CCND3: variants seen among roughly 807,000 people sequenced by gnomAD.
CCND3 encodes cyclin D3, also known as G1/S-specific cyclin-D3.
Under a neutral mutation model 28.7 loss-of-function variants are expected in CCND3, and 9 were observed. The observed-to-expected ratio is 0.31, with a 90% confidence interval of 0.19 to 0.55. CCND3 has a LOEUF of 0.55. CCND3 is among the 20% of genes least tolerant of loss of function. The pLI, the probability that CCND3 is intolerant of heterozygous loss-of-function variation, is 0.93. For missense variants in CCND3, 315 were observed against 385.8 expected (o/e 0.82, Z 1.54); for synonymous variants, 164 against 163.9 (o/e 1.00, Z 0.00).
intron 1 of CCND3, among the ~76,000 whole-genome samples, chr6:41,983,966 A>G (rs1762413626): frequency 6.6e-6 from 1 of 152,064 alleles, no homozygotes; most frequent in African/African-American, 2.4e-5. Context: ...CCTCCCACCA[A>G]TCCCCTGGCA....
intron 1 of CCND3, among the ~76,000 whole-genome samples, chr6:41,967,488 T>C (rs1177682351): frequency 6.6e-6 from 1 of 152,184 alleles, no homozygotes; most frequent in Non-Finnish European, 1.5e-5. Flanking sequence ...GGCCAGGACA[T>C]ATCAGCAAGT....
intron 1 of CCND3, among the ~76,000 whole-genome samples, chr6:41,984,339 T>C (rs899736740): frequency 1.3e-5 from 2 of 152,138 alleles, no homozygotes; most frequent in African/African-American, 2.4e-5. Flanking sequence ...ATGGTAGTTC[T>C]GTTTTTTTGT....
intron 1 of CCND3, among the ~76,000 whole-genome samples, chr6:41,957,704 C>G (rs1299562981): frequency 6.6e-6 from 1 of 152,160 alleles, no homozygotes; most frequent in East Asian, 1.9e-4. Context: ...GGAAGAGGTA[C>G]CCTGCATGAA....
rs575675626 is a variant in CCND3 at position 41,978,371 on chromosome 6, C to CA, written c.-45-37787dup. Among the ~76,000 whole-genome samples the CA allele has an allele frequency of 3.2e-3, 407 of 128,094 alleles. 3 individuals carry two copies. Among genetic ancestry groups the CA allele is most frequent in the African/African-American group, 5.8e-3 (195 of 33,906 alleles). 84.0% of individuals were successfully genotyped at this position (128,094 alleles called of 152,430 possible). On this transcript the variant is annotated intron_variant, in intron 1 of 4. Transcript: ENST00000372988. ...TGGGCAACAGAGCGAGACTCCATCT[C>CA]AAAAAAAAAAAAAAATTAGCCAGGC... is the stretch of plus-strand genomic sequence containing the variant.
rs70987562 is a variant in CCND3 at position 42,000,234 on chromosome 6, C to CTTTTTTTTTTTTTTTTTTTTTTTTTTT, written c.-46+48240_-46+48266dup. 4.3e-4 allele frequency among the ~76,000 whole-genome samples: 22 copies of CTTTTTTTTTTTTTTTTTTTTTTTTTTT among 51,032 alleles called. 8 individuals carry two copies. Among genetic ancestry groups the CTTTTTTTTTTTTTTTTTTTTTTTTTTT allele is most frequent in the African/African-American group, 8.3e-4 (9 of 10,840 alleles). The allele number at this position is 51,032 out of a possible 152,430, so 33.5% of individuals were successfully genotyped here. A position where few individuals can be genotyped will look rare whatever the true frequency, so the allele number is the denominator to read the frequency against. On this transcript the variant is annotated intron_variant, in intron 1 of 4. Transcript: ENST00000372988. ...AGTCTCGTGGAAATTTGAAAACATACTTTTTTTTTTTTTTTTTTTTTTTTT... is the reference window on the plus strand; with the variant it reads ...AGTCTCGTGGAAATTTGAAAACATACTTTTTTTTTTTTTTTTTTTTTTTTTTTTTTTTTTTTTTTTTTTTTTTTTTTT...
intron 1 of CCND3, among the ~76,000 whole-genome samples, chr6:42,006,006 A>ATTT (rs1763165155): frequency 6.7e-6 from 1 of 149,930 alleles, no homozygotes. Flanking sequence ...TACACAAAAA[A>ATTT]TTTTTTTTTA....
At chr6:41,992,876 G>T (rs1262999190) in intron 1 of CCND3, among the ~76,000 whole-genome samples, 1 of 152,020 alleles carries the variant, frequency 6.6e-6, no homozygotes, top group Non-Finnish European at 1.5e-5. Flanking sequence ...AAAGTGCTGA[G>T]GTTACAAGCA....
intron 1 of CCND3, among the ~76,000 whole-genome samples, chr6:41,954,898 A>T (rs962667468): frequency 1.1e-4 from 16 of 152,156 alleles, no homozygotes; most frequent in Non-Finnish European, 1.9e-4. Context: ...TGAAAGAAGG[A>T]GCTGGCACCT....
At chr6:42,007,728 G>T (rs994337950) in intron 1 of CCND3, among the ~76,000 whole-genome samples, 1 of 152,190 alleles carries the variant, frequency 6.6e-6, no homozygotes, top group Non-Finnish European at 1.5e-5. Context: ...CATGTGCTGC[G>T]AGAGCCAGAA....
intron 1 of CCND3, among the ~76,000 whole-genome samples, chr6:41,964,138 C>A (rs900379499): frequency 1.3e-5 from 2 of 152,170 alleles, no homozygotes; most frequent in African/African-American, 4.8e-5. Context: ...AATGTTAAAC[C>A]TTATTAGAAG....
upstream of CCND3, among the ~76,000 whole-genome samples, chr6:41,945,935 G>A (rs1776156559): frequency 6.6e-6 from 1 of 152,178 alleles, no homozygotes; most frequent in South Asian, 2.1e-4. Context: ...TTATGAACAT[G>A]CATCCATAAC....
At chr6:41,947,136 G>A (rs1370718899) in intron 1 of CCND3, among the ~76,000 whole-genome samples, 5 of 151,782 alleles carry the variant, frequency 3.3e-5, no homozygotes, top group Admixed American at 1.3e-4. Flanking sequence ...AAGGAGAATC[G>A]CTTGAACCCA....
intron 1 of CCND3, among the ~76,000 whole-genome samples, chr6:41,952,298 G>A (rs1412854059): frequency 6.6e-6 from 1 of 152,212 alleles, no homozygotes; most frequent in Non-Finnish European, 1.5e-5. Flanking sequence ...TACCTGAGAG[G>A]CGATTCCATG....
intron 1 of CCND3, among the ~76,000 whole-genome samples, chr6:42,010,533 C>T (rs550420355): frequency 1.1e-4 from 16 of 152,212 alleles, no homozygotes; most frequent in African/African-American, 3.6e-4. Flanking sequence ...ACACCAAGCC[C>T]GACAGTAAAT....
At chr6:41,991,890 C>G (rs1005236320) in intron 1 of CCND3, among the ~76,000 whole-genome samples, 1 of 152,072 alleles carries the variant, frequency 6.6e-6, no homozygotes, top group East Asian at 1.9e-4. Flanking sequence ...ACATAATGTC[C>G]TCAGTTTCAT....
chr6:41,949,967 G>A (rs1776263563), intron 1 of CCND3, among the ~76,000 whole-genome samples: 1 of 151,578 alleles, frequency 6.6e-6, no homozygotes, highest in South Asian at 2.1e-4. Context: ...GCCAGGTGTG[G>A]TGGCGGGTGC....
intron 1 of CCND3, among the ~76,000 whole-genome samples, chr6:42,026,277 C>A (rs181284761): frequency 6.6e-6 from 1 of 152,036 alleles, no homozygotes; most frequent in Admixed American, 6.6e-5. Context: ...ACCCTCTCCC[C>A]CCGCCGCCCC....
At chr6:42,005,769 C>T (rs1175946115) in intron 1 of CCND3, among the ~76,000 whole-genome samples, 1 of 151,774 alleles carries the variant, frequency 6.6e-6, no homozygotes, top group Non-Finnish European at 1.5e-5. Flanking sequence ...CTGCAATGTC[C>T]ACCTCCCAGA....
At position 41,936,043 on chromosome 6, in the gene CCND3, G is replaced by A. The variant is rs2127389596; in HGVS notation, c.776C>T (p.Ser259Phe). Reference protein sequence around the residue: ...AALRESLREASQTSSSPAPKA... With the variant: ...AALRESLREAFQTSSSPAPKA... The stretch of plus-strand genomic sequence containing the variant: ...GGGCGCTGGGCTGGAGCTGGTCTGA[G>A]AGGCTTCCCTGAGGCTCTCCCTGAG... The change falls in exon 5 of 5, where the codon TCT (serine) becomes TTT (phenylalanine). Residue 259 changes from serine to phenylalanine, a missense_variant. Coordinates refer to ENST00000372991, the MANE Select transcript of CCND3 (RefSeq NM_001760.5). The surrounding 1 kb of genome is among the most constrained non-coding windows in gnomAD (Gnocchi z 4.4). 2 of 1,613,292 alleles carry A rather than the reference G, an allele frequency of 1.2e-6. No individual in the cohort carries two copies. The highest frequency in any genetic ancestry group is 1.3e-5 in the African/African-American group (1 of 75,012).
Sources: allele counts gnomAD v4.1 joint callset (sites outside exome capture counted in the v4.1 genomes callset), GRCh38; gene constraint gnomAD v4.1.1; non-coding constraint Gnocchi (gnomAD v3.1); transcripts MANE v1.5; gene names NCBI Gene and HGNC (gene_info 2026-07-23, HGNC 2026-07-21).